DYNC1I1: variants seen among roughly 807,000 people sequenced by gnomAD.
DYNC1I1 encodes cytoplasmic dynein 1 intermediate chain 1.
Under a neutral mutation model 86.6 loss-of-function variants are expected in DYNC1I1, and 43 were observed. The observed-to-expected ratio is 0.50, with a 90% CI of 0.39 to 0.64. The LOEUF (loss-of-function observed/expected upper bound fraction) is 0.64, where lower values mean the gene tolerates loss of function less well. Among genes scored for constraint, DYNC1I1 ranks in the 30% least tolerant of loss-of-function variants. The pLI, the probability that DYNC1I1 is intolerant of heterozygous loss-of-function variation, is 0.00. For missense variants in DYNC1I1, 604 were observed against 788.8 expected, an observed-to-expected ratio of 0.77 and a Z score of 2.81; for synonymous variants, 262 against 283.7, an observed-to-expected ratio of 0.92 and a Z score of 0.77.
chr7:95,830,239 TA>T (rs2115937314), intron 5 of DYNC1I1, among the ~76,000 whole-genome samples: 1 of 152,246 alleles, frequency 6.6e-6, no homozygotes, highest in African/African-American at 2.4e-5. Context: ...CTACACATAT[TA>T]AAACTATTCA....
intron 10 of DYNC1I1, among the ~76,000 whole-genome samples, chr7:96,019,931 T>C (rs575320666): frequency 6.6e-6 from 1 of 152,200 alleles, no homozygotes; most frequent in African/African-American, 2.4e-5. Context: ...TATCTGTCTT[T>C]AAACTACATT....
rs186095410 is a variant in DYNC1I1 at position 96,004,139 on chromosome 7, C to T, written c.969+8066C>T. On this transcript the variant is annotated intron_variant, in intron 10 of 16. Transcript: ENST00000447467. ...TTCAAATATAATTATCTTTACTTCC[C>T]GGGGAAGTTTTCTAACCTCTATTGT... 3.3e-3 allele frequency among the ~76,000 whole-genome samples: 508 copies of T among 152,238 alleles called. 2 individuals are homozygous for T. The highest frequency in any genetic ancestry group is 3.2e-3 in the African/African-American group (135 of 41,542).
intron 1 of DYNC1I1, among the ~76,000 whole-genome samples, chr7:95,800,890 T>C (rs1794561602): frequency 6.6e-6 from 1 of 152,256 alleles, no homozygotes. Context: ...CATGTTTTGC[T>C]CCTCGATTTG....
At chr7:95,904,757 C>T (rs1791131479) in intron 6 of DYNC1I1, among the ~76,000 whole-genome samples, 1 of 152,054 alleles carries the variant, frequency 6.6e-6, no homozygotes, top group African/African-American at 2.4e-5. Context: ...AAACTTTTTC[C>T]TTGACATCCA....
intron 6 of DYNC1I1, among the ~76,000 whole-genome samples, chr7:95,873,484 T>C (rs187581228): frequency 2.9e-3 from 447 of 152,356 alleles, no homozygotes; most frequent in Middle Eastern, 0.01. Flanking sequence ...TATTAGAGAA[T>C]TAAGGTATTC....
intron 12 of DYNC1I1, among the ~76,000 whole-genome samples, chr7:96,033,077 C>T (rs979014763): frequency 6.6e-6 from 1 of 152,218 alleles, no homozygotes; most frequent in Non-Finnish European, 1.5e-5. Context: ...ATGAATTGCA[C>T]TTACCCTACA....
chr7:95,820,627 T>G (rs1795053030), intron 4 of DYNC1I1, among the ~76,000 whole-genome samples: 2 of 152,270 alleles, frequency 1.3e-5, no homozygotes, highest in Admixed American at 1.3e-4. Context: ...CATGAAAATT[T>G]GAGTTCCAGT....
chr7:95,804,941 T>C (rs1794669566), intron 2 of DYNC1I1, 104 bp downstream of exon 2: 12 of 1,433,764 alleles, frequency 8.4e-6, no homozygotes, highest in Non-Finnish European at 9.2e-6. Context: ...AATCCTTTTA[T>C]GATATCTGAA....
intron 6 of DYNC1I1, among the ~76,000 whole-genome samples, chr7:95,953,107 C>T (rs1442126325): frequency 4.7e-5 from 7 of 147,524 alleles, no homozygotes. Flanking sequence ...CTCGTATGTA[C>T]CTGGCTGTTC....
rs955702683 is a variant in DYNC1I1, at chr7:96,097,772, A to T, written c.*179A>T. 9 of 1,310,822 alleles carry T rather than the reference A, an allele frequency of 6.9e-6. No homozygotes were observed. Among genetic ancestry groups the T allele is most frequent in the Non-Finnish European group, 7.8e-6 (8 of 1,026,494 alleles). The allele number at this position is 1,310,822 out of a possible 1,614,324, so 81.2% of individuals were successfully genotyped here. On this transcript the variant is annotated 3_prime_UTR_variant, in exon 17 of 17. Transcript: ENST00000447467. ...ATGTGTCCCATCATGCTTTCCACTG[A>T]CCCAAAATTCACCACAGCATTTCTA...
intron 10 of DYNC1I1, among the ~76,000 whole-genome samples, chr7:96,014,439 C>G (rs1230419541): frequency 6.6e-6 from 1 of 152,126 alleles, no homozygotes; most frequent in Non-Finnish European, 1.5e-5. Flanking sequence ...TCCCAGCACA[C>G]CGTGTGGATT....
At chr7:95,941,490 G>T (rs1403823806) in intron 6 of DYNC1I1, among the ~76,000 whole-genome samples, 2 of 152,186 alleles carry the variant, frequency 1.3e-5, no homozygotes, top group Non-Finnish European at 2.9e-5. Flanking sequence ...GTTTACCTAA[G>T]CAAGCCTGGG....
chr7:95,787,934 A>G (rs1794192236), intron 1 of DYNC1I1, among the ~76,000 whole-genome samples: 1 of 152,184 alleles, frequency 6.6e-6, no homozygotes, highest in African/African-American at 2.4e-5. Flanking sequence ...AAAATGCGTA[A>G]CAGGCAGAGG....
intron 9 of DYNC1I1, among the ~76,000 whole-genome samples, chr7:95,989,550 G>A (rs1264899715): frequency 6.6e-6 from 1 of 152,190 alleles, no homozygotes; most frequent in Non-Finnish European, 1.5e-5. Context: ...CTACAACCTT[G>A]TTCCCGGGTC....
intron 10 of DYNC1I1, among the ~76,000 whole-genome samples, chr7:96,027,686 C>G (rs57155576): frequency 0.24 from 35,806 of 152,036 alleles, 4,508 homozygotes; most frequent in South Asian, 0.37. Flanking sequence ...AAGGGAAAAA[C>G]AAAAAGAAGA....
intron 9 of DYNC1I1, among the ~76,000 whole-genome samples, chr7:95,995,115 C>G (rs1342113445): frequency 6.6e-6 from 1 of 151,946 alleles, no homozygotes; most frequent in Non-Finnish European, 1.5e-5. Flanking sequence ...GGCGTGGTGG[C>G]CGGCGCCTGT....
At chr7:95,926,837 G>A (rs1405187298) in intron 6 of DYNC1I1, among the ~76,000 whole-genome samples, 2 of 152,060 alleles carry the variant, frequency 1.3e-5, no homozygotes, top group Admixed American at 1.3e-4. Context: ...GCCCTCTCCT[G>A]AGACTCTTTT....
At chr7:95,799,451 C>T (rs1037774857) in intron 1 of DYNC1I1, among the ~76,000 whole-genome samples, 4 of 152,138 alleles carry the variant, frequency 2.6e-5, no homozygotes, top group Non-Finnish European at 5.9e-5. Context: ...TTCCCTGTAA[C>T]TAACTTCCTA....
At chr7:95,828,394 A>G (rs1795249234) in intron 5 of DYNC1I1, among the ~76,000 whole-genome samples, 1 of 152,146 alleles carries the variant, frequency 6.6e-6, no homozygotes, top group Non-Finnish European at 1.5e-5. Context: ...CACACATCTA[A>G]TTAAAAGTGG....
Sources: allele counts gnomAD v4.1 joint callset (sites outside exome capture counted in the v4.1 genomes callset), GRCh38; gene constraint gnomAD v4.1.1; transcripts MANE v1.5; gene names NCBI Gene and HGNC (gene_info 2026-07-23, HGNC 2026-07-21).